Variants in PPM1E observed in about 807,000 individuals in gnomAD.
The protein encoded by PPM1E is protein phosphatase 1E.
A neutral mutation model predicts 65.9 loss-of-function variants in PPM1E; 20 were observed. The observed-to-expected ratio is 0.30, with a 90% CI of 0.21 to 0.44. The LOEUF (loss-of-function observed/expected upper bound fraction) is 0.44. PPM1E is among the 20% of genes least tolerant of loss of function. PPM1E has a pLI of 1.00. For synonymous variants in PPM1E, 352 were observed against 374.9 expected (o/e 0.94, Z 0.70); for missense variants, 713 against 953.1 (o/e 0.75, Z 3.32).
At chr17:58,904,286 A>G (rs1429988567) in intron 1 of PPM1E, among the ~76,000 whole-genome samples, 2 of 152,188 alleles carry the variant, frequency 1.3e-5, no homozygotes, top group East Asian at 1.9e-4. Flanking sequence ...GAAAGAGGTT[A>G]AGTATCTTGC....
intron 2 of PPM1E, among the ~76,000 whole-genome samples, chr17:58,956,453 A>G (rs986486931): frequency 9.1e-5 from 10 of 109,986 alleles, no homozygotes; most frequent in African/African-American, 3.7e-4. Context: ...AACAAAAAAC[A>G]AAAAACAAAA....
intron 1 of PPM1E, among the ~76,000 whole-genome samples, chr17:58,953,830 C>A (rs1446111226): frequency 6.6e-6 from 1 of 151,706 alleles, no homozygotes; most frequent in Non-Finnish European, 1.5e-5. Context: ...TCACCGCAAC[C>A]TCCGCCTCCT....
At chr17:58,969,227 A>G (rs1433362797) in intron 3 of PPM1E, among the ~76,000 whole-genome samples, 1 of 152,042 alleles carries the variant, frequency 6.6e-6, no homozygotes, top group African/African-American at 2.4e-5. Context: ...TGTAACAGCA[A>G]TTTTGAAGCA....
At chr17:58,877,294 C>A (rs12940492) in intron 1 of PPM1E, among the ~76,000 whole-genome samples, 1 of 151,904 alleles carries the variant, frequency 6.6e-6, no homozygotes, top group African/African-American at 2.4e-5. Context: ...ATAAGGTTCC[C>A]TAAAAGAGAG....
chr17:58,863,217 C>T (rs1331166120), intron 1 of PPM1E, among the ~76,000 whole-genome samples: 9 of 152,224 alleles, frequency 5.9e-5, no homozygotes, highest in African/African-American at 1.9e-4. Flanking sequence ...GTAATCCCAA[C>T]ACTTTGGGAG....
At chr17:58,775,711 A>G (rs12949925) in intron 1 of PPM1E, among the ~76,000 whole-genome samples, 95,159 of 150,020 alleles carry the variant, frequency 0.63, 30,545 homozygotes, top group African/African-American at 0.71. Flanking sequence ...TCAGGAGATC[A>G]AGACCATCCT....
At chr17:58,763,994 T>G (rs1392491945) in intron 1 of PPM1E, among the ~76,000 whole-genome samples, 1 of 152,104 alleles carries the variant, frequency 6.6e-6, no homozygotes, top group African/African-American at 2.4e-5. Flanking sequence ...TAAAATTTTC[T>G]ATTAACCACC....
intron 4 of PPM1E, among the ~76,000 whole-genome samples, chr17:58,969,980 A>G (rs1349769774): frequency 1.3e-5 from 2 of 152,162 alleles, no homozygotes; most frequent in Non-Finnish European, 2.9e-5. Context: ...TAACTGCTGG[A>G]TTTGGCAGGT....
intron 1 of PPM1E, among the ~76,000 whole-genome samples, chr17:58,770,159 C>A (rs56048553): frequency 0.017 from 2,548 of 152,234 alleles, 35 homozygotes; most frequent in Non-Finnish European, 0.028. Context: ...GTTTTGGAAT[C>A]ATCATTGCAA....
chr17:58,819,292 C>T (rs369658699), intron 1 of PPM1E, among the ~76,000 whole-genome samples: 7 of 152,102 alleles, frequency 4.6e-5, no homozygotes, highest in South Asian at 4.2e-4. Context: ...ATTATAGGCA[C>T]GCGCCACCAC....
At position 58,770,583 on chromosome 17, in the gene PPM1E, G is replaced by A. The variant is rs566976591; in HGVS notation, c.464+14122G>A. On this transcript the variant is annotated intron_variant, in intron 1 of 6. Transcript: ENST00000308249. Reference sequence around the variant, plus strand: ...ATTGATTATCAAATATAAAATAAAAGCGTTCTCTCAGATTGAGACCTTACA... The same window carrying A: ...ATTGATTATCAAATATAAAATAAAAACGTTCTCTCAGATTGAGACCTTACA... 8.9e-4 allele frequency among the ~76,000 whole-genome samples: 136 copies of A among 152,074 alleles called. 1 individual carries two copies. Among genetic ancestry groups the A allele is most frequent in the Non-Finnish European group, 1.7e-3 (114 of 67,980 alleles).
intron 1 of PPM1E, among the ~76,000 whole-genome samples, chr17:58,942,837 G>GA (rs34632292): frequency 7.3e-5 from 11 of 150,102 alleles, no homozygotes; most frequent in African/African-American, 1.2e-4. Context: ...TAAAAAAAAA[G>GA]AAAAAAAAAA....
intron 1 of PPM1E, among the ~76,000 whole-genome samples, chr17:58,766,410 C>T (rs139743512): frequency 0.04 from 6,044 of 150,938 alleles, 244 homozygotes; most frequent in African/African-American, 0.1. Context: ...TCATGTTGGT[C>T]AGGCTGGTCT....
intron 6 of PPM1E, among the ~76,000 whole-genome samples, chr17:58,977,804 G>A (rs1304230777): frequency 1.3e-5 from 2 of 152,064 alleles, no homozygotes; most frequent in Admixed American, 6.5e-5. Context: ...GTGCAGTGGC[G>A]CAATCTGGGC....
chr17:58,776,550 C>T (rs899724022), intron 1 of PPM1E, among the ~76,000 whole-genome samples: 1 of 152,104 alleles, frequency 6.6e-6, no homozygotes, highest in African/African-American at 2.4e-5. Context: ...TAATGTCTCT[C>T]TGGTACACAG....
chr17:58,816,788 ATATATATTTTTT>A (rs1353230914), intron 1 of PPM1E, among the ~76,000 whole-genome samples: 9 of 7,664 alleles, frequency 1.2e-3, no homozygotes, highest in South Asian at 4.6e-3. Context: ...ATATATATAT[ATATATATTTTTT>A]TTTTTTTTTT....
intron 1 of PPM1E, among the ~76,000 whole-genome samples, chr17:58,940,165 G>A (rs2052045113): frequency 6.6e-6 from 1 of 152,198 alleles, no homozygotes; most frequent in South Asian, 2.1e-4. Context: ...AATGATGAAA[G>A]AAAGCAGCTT....
In PPM1E at chr17:58,756,154, C is replaced by G; in HGVS notation, c.157C>G (p.Leu53Val). 6.3e-7 allele frequency: 1 copy of G among 1,592,146 alleles called. No individual in the cohort carries two copies. The highest frequency in any genetic ancestry group is 8.6e-7 in the Non-Finnish European group (1 of 1,169,346). The change falls in exon 1 of 7, where the codon CTG becomes GTG. Residue 53 changes from leucine (L) to valine (V), a missense_variant. Leu to Val is a conservative substitution (Grantham distance 32). Coordinates refer to ENST00000308249, the MANE Select transcript of PPM1E (RefSeq NM_014906.5). ...GTCCGAGCCCGAGCCCGAACCTGAA[C>G]TGGTAGAAGCTGAGGCGGCCGAGGC... Reference protein sequence around the residue: ...PESEPEPEPELVEAEAAEASV... With the variant: ...PESEPEPEPEVVEAEAAEASV...
chr17:58,825,581 T>C (rs1231359366), intron 1 of PPM1E, among the ~76,000 whole-genome samples: 1 of 152,092 alleles, frequency 6.6e-6, no homozygotes, highest in Non-Finnish European at 1.5e-5. Context: ...TGTTGTTGTT[T>C]GGAAACAGAG....
Sources: gnomAD v4.1 joint callset for allele counts (sites outside exome capture counted in the v4.1 genomes callset) on GRCh38, gnomAD v4.1.1 for gene constraint, MANE v1.5 for transcripts, NCBI Gene and HGNC (gene_info 2026-07-23, HGNC 2026-07-21) for gene names.